Variants in DNAH5 observed in about 807,000 individuals in gnomAD.
DNAH5 encodes the protein axonemal beta dynein heavy chain 5.
A neutral mutation model predicts 518.2 loss-of-function variants in DNAH5; 372 were observed. The ratio of observed to expected loss-of-function variants is 0.72; its 90% confidence interval spans 0.66 to 0.78. DNAH5 has a LOEUF of 0.78. Ranked by LOEUF, DNAH5 falls within the 30% of genes least tolerant of loss-of-function variation. DNAH5 has a pLI of 0.00. For missense variants in DNAH5, 5,523 were observed against 5,687.0 expected, an observed-to-expected ratio of 0.97 and a Z score of 0.93; for synonymous variants, 2,039 against 2,025.9, an observed-to-expected ratio of 1.01 and a Z score of -0.17.
intron 31 of DNAH5, among the ~76,000 whole-genome samples, chr5:13,847,355 G>T (rs963717332): frequency 2.0e-3 from 1 of 498 alleles, no homozygotes; most frequent in Non-Finnish European, 6.7e-3. Context: ...CATTTTCTCT[G>T]CAGGGGTTAT....
chr5:13,747,573 G>A (rs1749569022), intron 65 of DNAH5, among the ~76,000 whole-genome samples: 4 of 152,204 alleles, frequency 2.6e-5, no homozygotes, highest in South Asian at 4.2e-4. Context: ...TTTAATGATC[G>A]CCATTCTAAC....
In DNAH5 at chr5:13,754,316, C is replaced by A. The variant is rs202169624; in HGVS notation, c.10442G>T (p.Arg3481Leu). Residue 3481 changes from arginine to leucine, a missense_variant, in exon 62 of 79, where the codon CGA (arginine) becomes CTA (leucine). Physicochemically the swap from Arg to Leu is moderately radical, Grantham distance 102 (BLOSUM62 -2). Transcript: ENST00000265104. ...EKQTLLEDAE[R>L]CRHKMQTAST... The stretch of plus-strand genomic sequence containing the variant: ...AGCTGTCTGCATCTTGTGTCTGCAT[C>A]GCTCTGCATCTTCAAGCAAGGTCTA... The A allele has an allele frequency of 3.7e-6, 6 of 1,613,954 alleles. No homozygotes were observed. Among genetic ancestry groups the A allele is most frequent in the Non-Finnish European group, 4.2e-6 (5 of 1,179,984 alleles).
chr5:13,811,737 A>G lies in DNAH5; in HGVS notation c.7317T>C (p.Cys2439=). The G allele has an allele frequency of 6.2e-7, 1 of 1,614,164 alleles. No homozygotes were observed. The highest frequency in any genetic ancestry group is 8.5e-7 in the Non-Finnish European group (1 of 1,180,006). The change falls in exon 44 of 79, where the codon TGT becomes TGC. Residue 2439 remains cysteine, a synonymous_variant. Coordinates refer to ENST00000265104, the MANE Select transcript of DNAH5 (RefSeq NM_001369.3). ...CCATCTTGTATTCTAAGTTCTGGATACAGAAGCGATACAAGTCTGGGAAAG... is the reference window on the plus strand; with the variant it reads ...CCATCTTGTATTCTAAGTTCTGGATGCAGAAGCGATACAAGTCTGGGAAAG... ...TESFPDLYRF[C]IQNLEYKMEV...
At chr5:13,723,723 AAAT>A (rs1345415829) in intron 70 of DNAH5, among the ~76,000 whole-genome samples, 1 of 152,224 alleles carries the variant, frequency 6.6e-6, no homozygotes, top group Non-Finnish European at 1.5e-5. Flanking sequence ...ACTTATCACA[AAAT>A]ATTAGTCTTC....
chr5:13,751,385 G>T (rs1750205694), intron 64 of DNAH5, 125 bp from the exon 65 acceptor site: 4 of 985,580 alleles, frequency 4.1e-6, no homozygotes, highest in Non-Finnish European at 1.5e-6. Flanking sequence ...TACTAAAAAA[G>T]AAATGGTCAT....
At chr5:13,789,354 G>T (rs1319521068) in intron 50 of DNAH5, among the ~76,000 whole-genome samples, 1 of 152,042 alleles carries the variant, frequency 6.6e-6, no homozygotes, top group Non-Finnish European at 1.5e-5. Flanking sequence ...AAAATTTGTG[G>T]CAAAAACTGG....
chr5:13,850,010 G>C (rs1406360016), intron 31 of DNAH5, among the ~76,000 whole-genome samples: 2 of 152,132 alleles, frequency 1.3e-5, no homozygotes, highest in Non-Finnish European at 2.9e-5. Flanking sequence ...TGTATTCATG[G>C]GGAAAGATCA....
intron 27 of DNAH5, 44 bp downstream of exon 27, chr5:13,865,624 T>C: frequency 1.7e-6 from 2 of 1,193,316 alleles, no homozygotes; most frequent in Non-Finnish European, 2.5e-6. Context: ...GAGGAAAGCA[T>C]TTGAAGTTCA....
intron 70 of DNAH5, among the ~76,000 whole-genome samples, chr5:13,726,964 G>T (rs1262037817): frequency 6.6e-6 from 1 of 152,216 alleles, no homozygotes; most frequent in African/African-American, 2.4e-5. Flanking sequence ...TCTTTAAACA[G>T]ATGAATCATC....
chr5:13,791,144 A>G (rs1475010337), intron 50 of DNAH5, among the ~76,000 whole-genome samples: 4 of 152,200 alleles, frequency 2.6e-5, no homozygotes, highest in African/African-American at 9.6e-5. Context: ...CCTATATTGC[A>G]AGCATCTGGA....
At position 13,717,364 on chromosome 5, in the gene DNAH5, G is replaced by T; in HGVS notation, c.12656C>A (p.Ala4219Asp). The change falls in exon 73 of 79, where the codon GCC (alanine) becomes GAC (aspartate). Residue 4219 changes from alanine (A) to aspartate (D), a missense_variant. Transcript: ENST00000265104. ...GTGGTTTTGGATGAACTGCACAGTG[G>T]CATTAAAGTCCGCTTGGTTAAATTC... is the stretch of plus-strand genomic sequence containing the variant. ...PYEFNQADFN[A>D]TVQFIQNHLD... 1 of 1,614,008 alleles carries T rather than the reference G, an allele frequency of 6.2e-7. No homozygotes were observed. Among genetic ancestry groups the T allele is most frequent in the Non-Finnish European group, 8.5e-7 (1 of 1,179,996 alleles).
intron 1 of DNAH5, among the ~76,000 whole-genome samples, chr5:13,992,954 G>A (rs1006855099): frequency 6.6e-6 from 1 of 152,152 alleles, no homozygotes; most frequent in Non-Finnish European, 1.5e-5. Context: ...GCCTTAATTA[G>A]TCCCAGAAAC....
At chr5:13,873,714 T>G (rs1770470630) in intron 22 of DNAH5, among the ~76,000 whole-genome samples, 1 of 152,174 alleles carries the variant, frequency 6.6e-6, no homozygotes, top group Non-Finnish European at 1.5e-5. Context: ...TTACCCAAGC[T>G]GGTCTCAAAC....
rs1314578121 is a variant in DNAH5 at position 13,707,308 on chromosome 5, T to C, written c.13338+815A>G. ...GCTGAGAGCAACTTCCACCACTCAA[T>C]AAAACCTTGCACCCGACCTCTAAGC... is the stretch of plus-strand genomic sequence containing the variant. On this transcript the variant is annotated intron_variant, in intron 76 of 78. Coordinates refer to ENST00000265104, the MANE Select transcript of DNAH5 (RefSeq NM_001369.3). This position sits in a 1 kb window ranked among gnomAD's most constrained non-coding sequence, Gnocchi z 4.0. Among the ~76,000 whole-genome samples, 2 of 152,142 alleles carry C rather than the reference T, an allele frequency of 1.3e-5. No homozygotes were observed. The highest frequency in any genetic ancestry group is 4.8e-5 in the African/African-American group (2 of 41,450).
chr5:13,935,458 G>T (rs745583037), intron 1 of DNAH5, among the ~76,000 whole-genome samples: 1 of 152,074 alleles, frequency 6.6e-6, no homozygotes, highest in Non-Finnish European at 1.5e-5. Context: ...AATGTTTTCA[G>T]AAGTTATTTA....
intron 74 of DNAH5, among the ~76,000 whole-genome samples, chr5:13,715,061 A>G (rs1032872114): frequency 2.0e-5 from 3 of 152,178 alleles, no homozygotes; most frequent in African/African-American, 7.2e-5. Context: ...AGCACGTGGG[A>G]GTCATACCCA....
chr5:13,801,767 T>C (rs776016810), intron 47 of DNAH5, among the ~76,000 whole-genome samples: 12 of 152,154 alleles, frequency 7.9e-5, no homozygotes, highest in Non-Finnish European at 1.5e-5. Flanking sequence ...ACCCACTACT[T>C]ACTCCTCCAG....
At chr5:13,877,450 C>A (rs11742667) in intron 21 of DNAH5, among the ~76,000 whole-genome samples, 61,118 of 151,998 alleles carry the variant, frequency 0.4, 12,570 homozygotes, top group South Asian at 0.46. Context: ...AAAGTTAAAA[C>A]TCTGGGAAAG....
chr5:13,923,881 TA>T (rs545737815), intron 3 of DNAH5, among the ~76,000 whole-genome samples: 4 of 150,116 alleles, frequency 2.7e-5, no homozygotes, highest in Non-Finnish European at 5.9e-5. Context: ...CTGTCTCTAC[TA>T]AAAAAAAACA....
Sources: allele counts gnomAD v4.1 joint callset (sites outside exome capture counted in the v4.1 genomes callset), GRCh38; gene constraint gnomAD v4.1.1; non-coding constraint Gnocchi (gnomAD v3.1); transcripts MANE v1.5; gene names NCBI Gene and HGNC (gene_info 2026-07-23, HGNC 2026-07-21).